The following ARHGEF38 variants were observed in gnomAD, a reference collection of about 807,000 sequenced individuals.
ARHGEF38 encodes Rho guanine nucleotide exchange factor 38.
In ARHGEF38, 79 loss-of-function variants were observed where a neutral mutation model predicts 79.9. That is an observed-to-expected ratio of 0.99 (90% CI 0.82 to 1.19). The LOEUF (loss-of-function observed/expected upper bound fraction) is 1.19, where lower values mean the gene tolerates loss of function less well. Among genes scored for constraint, ARHGEF38 ranks in the 50% most tolerant of loss-of-function variants. The probability of loss-of-function intolerance (pLI) is 0.00; values close to 1 mark genes in which losing one functional copy is unlikely to be tolerated. For synonymous variants in ARHGEF38, 366 were observed against 328.3 expected (o/e 1.11, Z -1.24); for missense variants, 962 against 907.2 (o/e 1.06, Z -0.78).
In ARHGEF38 at chr4:105,659,065, A is replaced by G. The variant is rs192214114; in HGVS notation, c.1245A>G (p.Leu415=). Residue 415 remains leucine, a synonymous_variant, in exon 10 of 14, where the codon TTA becomes TTG. Transcript: ENST00000420470. ...TTTTCTTTTGGCAGGCATCTCACTT[A>G]CAGAGACTCATCCTGACCCCCTTGT... ...LNSCHDFASH[L]QRLILTPLSA... 7.2e-6 allele frequency: 11 copies of G among 1,534,610 alleles called. 1 individual carries two copies. The African/African-American group carries it at 1.2e-4, about 17-fold the overall frequency.
At chr4:105,598,748 T>C (rs1230240696) in intron 2 of ARHGEF38, among the ~76,000 whole-genome samples, 1 of 152,054 alleles carries the variant, frequency 6.6e-6, no homozygotes, top group South Asian at 2.1e-4. Context: ...GTCTGGGCCA[T>C]TGTTTCTCCA....
In ARHGEF38 at chr4:105,679,915, TTTA is replaced by T; in HGVS notation, c.*1980_*1982del. The T allele has an allele frequency of 7.1e-7, 1 of 1,408,810 alleles. No individual in the cohort carries two copies. Among genetic ancestry groups the T allele is most frequent in the Non-Finnish European group, 1.0e-6 (1 of 997,696 alleles). 87.3% of individuals were successfully genotyped at this position (1,408,810 alleles called of 1,614,324 possible). On this transcript the variant is annotated 3_prime_UTR_variant, in exon 14 of 14. Transcript: ENST00000420470. ...GAGCCACATTGGTTGCCACCAAAAC[TTTA>T]TAATTACCTCTCTGAAGCCTTTTAG...
Position 105,619,211 on chromosome 4 carries a change from TCA to T in ARHGEF38, c.508+5705_508+5706del, listed in dbSNP as rs570730889. Among the ~76,000 whole-genome samples, 501 of 152,032 alleles carry T rather than the reference TCA, an allele frequency of 3.3e-3. 6 individuals carry two copies. The highest frequency in any genetic ancestry group is 0.011 in the African/African-American group (474 of 41,484). On this transcript the variant is annotated intron_variant, in intron 3 of 13. Transcript: ENST00000420470. ...GGGCTGGCCTTGCGACTTGCTTTGA[TCA>T]ATGAAATGAGGCAAAATGATGTTCT... is the stretch of plus-strand genomic sequence containing the variant.
chr4:105,666,129 T>C (rs1240129331), intron 10 of ARHGEF38, 48 bp from the exon 11 acceptor site: 1 of 1,448,342 alleles, frequency 6.9e-7, no homozygotes, highest in Admixed American at 2.4e-5. Context: ...ACACCTGATA[T>C]GATTATCTAG....
Position 105,589,438 on chromosome 4 carries a change from A to G in ARHGEF38, c.384+3A>G, listed in dbSNP as rs1727218075. 1 of 1,600,274 alleles carries G rather than the reference A, an allele frequency of 6.2e-7. No individual in the cohort carries two copies. The highest frequency in any genetic ancestry group is 8.5e-7 in the Non-Finnish European group (1 of 1,176,034). The stretch of plus-strand genomic sequence containing the variant: ...TTCAGCCCCTGAGAAATAAAAAGGT[A>G]AATATATATTTGAGATTTTTTTTTC... On this transcript the variant is annotated splice_donor_region_variant and intron_variant, in intron 2 of 13. Transcript: ENST00000420470.
chr4:105,553,914 A>G (rs994241905), intron 1 of ARHGEF38, among the ~76,000 whole-genome samples: 6 of 152,202 alleles, frequency 3.9e-5, no homozygotes, highest in Non-Finnish European at 8.8e-5. Flanking sequence ...CCGATAGGAC[A>G]TGCTTATATT....
chr4:105,561,499 A>AATGGAATG (rs1725608020), intron 1 of ARHGEF38: 1 of 94,038 alleles, frequency 1.1e-5, no homozygotes, highest in African/African-American at 3.6e-5. Context: ...AGAATAGAAT[A>AATGGAATG]GAATAGAATA....
chr4:105,653,567 C>T (rs71599066), intron 7 of ARHGEF38, among the ~76,000 whole-genome samples: 4,573 of 152,160 alleles, frequency 0.03, 101 homozygotes, highest in Middle Eastern at 0.071. Flanking sequence ...GTGATCCGCC[C>T]GCCTTGGCCT....
chr4:105,654,130 T>G lies in ARHGEF38; in HGVS notation c.1074T>G (p.Leu358=), dbSNP rs1730225217. ...LFRALEKTVR[L]CVKNISLCLQ... is the part of the protein sequence containing the mutation. The stretch of plus-strand genomic sequence containing the variant: ...GAGCTTTAGAAAAGACTGTGAGGCT[T>G]TGTGTGAAGAACATTTCACTCTGTC... The change falls in exon 8 of 14, where the codon CTT becomes CTG. Residue 358 remains leucine (L), a synonymous_variant. Transcript: ENST00000420470. 1 of 1,521,136 alleles carries G rather than the reference T, an allele frequency of 6.6e-7. No homozygotes were observed. Among genetic ancestry groups the G allele is most frequent in the Non-Finnish European group, 8.8e-7 (1 of 1,136,574 alleles). 94.2% of individuals were successfully genotyped at this position (1,521,136 alleles called of 1,614,324 possible).
intron 10 of ARHGEF38, among the ~76,000 whole-genome samples, chr4:105,661,903 C>T (rs1047361662): frequency 2.0e-5 from 3 of 152,026 alleles, no homozygotes; most frequent in African/African-American, 7.2e-5. Flanking sequence ...CTATTTCCAA[C>T]GTTTTTTTAT....
At chr4:105,597,380 T>C (rs1727628962) in intron 2 of ARHGEF38, among the ~76,000 whole-genome samples, 1 of 152,210 alleles carries the variant, frequency 6.6e-6, no homozygotes, top group South Asian at 2.1e-4. Context: ...TCTCCAGCTG[T>C]CACCTTCACT....
chr4:105,613,638 T>C (rs1728395855), intron 3 of ARHGEF38, 131 bp downstream of exon 3: 4 of 974,742 alleles, frequency 4.1e-6, no homozygotes, highest in Non-Finnish European at 5.9e-6. Flanking sequence ...AACCCATCTT[T>C]GGGCTCATTG....
chr4:105,658,571 G>A (rs574194108), intron 9 of ARHGEF38, among the ~76,000 whole-genome samples: 17 of 152,246 alleles, frequency 1.1e-4, no homozygotes, highest in Non-Finnish European at 1.6e-4. Context: ...GGGAAGAATA[G>A]GGTACAGTCT....
intron 3 of ARHGEF38, among the ~76,000 whole-genome samples, chr4:105,630,499 C>T (rs1729138560): frequency 6.6e-6 from 1 of 152,148 alleles, no homozygotes; most frequent in Non-Finnish European, 1.5e-5. Context: ...ACCTCAGCCT[C>T]CCAAAGTGCT....
intron 1 of ARHGEF38, among the ~76,000 whole-genome samples, chr4:105,563,669 GT>G (rs33921919): frequency 0.96 from 145,808 of 152,062 alleles, 69,926 homozygotes; most frequent in East Asian, 1. Flanking sequence ...TCTAACCTTA[GT>G]TTTTAGTAGT....
At chr4:105,622,040 T>G (rs575830588) in intron 3 of ARHGEF38, among the ~76,000 whole-genome samples, 1 of 152,066 alleles carries the variant, frequency 6.6e-6, no homozygotes, top group Non-Finnish European at 1.5e-5. Context: ...GGCTGTAACA[T>G]GGGGGTTGGA....
At chr4:105,585,440 G>T (rs1255887685) in intron 1 of ARHGEF38, among the ~76,000 whole-genome samples, 2 of 152,056 alleles carry the variant, frequency 1.3e-5, no homozygotes, top group Non-Finnish European at 2.9e-5. Context: ...AACTTCCTTG[G>T]CCAGGAATCT....
chr4:105,635,039 T>C (rs1381186416), intron 4 of ARHGEF38, among the ~76,000 whole-genome samples: 3 of 152,182 alleles, frequency 2.0e-5, no homozygotes, highest in Non-Finnish European at 2.9e-5. Flanking sequence ...CCTTGTTATA[T>C]GGCATCATGT....
rs368317714 is a variant in ARHGEF38 at position 105,673,764 on chromosome 4, G to GGTTTT, written c.2149-3966_2149-3962dup. On this transcript the variant is annotated intron_variant, in intron 13 of 13. Transcript: ENST00000420470. ...AGAAGATACTAATAGCAGTTGGGTG[G>GGTTTT]GTTTTGTTTTGTTTTGTTTTGTTTT... Among the ~76,000 whole-genome samples, 810 of 151,992 alleles carry GGTTTT rather than the reference G, an allele frequency of 5.3e-3. 9 individuals are homozygous for GGTTTT. Among genetic ancestry groups the GGTTTT allele is most frequent in the Admixed American group, 9.8e-3 (150 of 15,272 alleles).
Sources: gnomAD v4.1 joint callset for allele counts (sites outside exome capture counted in the v4.1 genomes callset) on GRCh38, gnomAD v4.1.1 for gene constraint, MANE v1.5 for transcripts, NCBI Gene and HGNC (gene_info 2026-07-23, HGNC 2026-07-21) for gene names.